ENOX1: variants seen among roughly 807,000 people sequenced by gnomAD.
ENOX1 encodes the protein ecto-NOX disulfide-thiol exchanger 1.
ENOX1 carries 42 observed loss-of-function variants against 82.5 expected under a neutral mutation model. The ratio of observed to expected loss-of-function variants is 0.51; its 90% confidence interval spans 0.40 to 0.66. ENOX1 has a LOEUF of 0.66. Among genes scored for constraint, ENOX1 ranks in the 30% least tolerant of loss-of-function variants. The probability of loss-of-function intolerance (pLI) is 0.00; values close to 1 mark genes in which losing one functional copy is unlikely to be tolerated. For missense variants in ENOX1, 608 were observed against 811.6 expected, an observed-to-expected ratio of 0.75 and a Z score of 3.05; for synonymous variants, 271 against 282.2, an observed-to-expected ratio of 0.96 and a Z score of 0.40.
chr13:43,659,456 C>CT (rs1555353498), intron 2 of ENOX1, among the ~76,000 whole-genome samples: 1 of 151,878 alleles, frequency 6.6e-6, no homozygotes, highest in African/African-American at 2.4e-5. Flanking sequence ...CGCCACTGTA[C>CT]TCCAGCCTGG....
At chr13:43,268,547 A>G (rs1040389638) in intron 13 of ENOX1, among the ~76,000 whole-genome samples, 2 of 152,176 alleles carry the variant, frequency 1.3e-5, no homozygotes, top group South Asian at 2.1e-4. Context: ...AAATAACTAA[A>G]AAGATATTTT....
chr13:43,603,300 C>A (rs1191846463), intron 2 of ENOX1, among the ~76,000 whole-genome samples: 4 of 151,904 alleles, frequency 2.6e-5, no homozygotes, highest in African/African-American at 4.8e-5. Flanking sequence ...AATCCCTTCT[C>A]CTAAGAGTTT....
chr13:43,762,905 C>G (rs779925304), intron 1 of ENOX1, among the ~76,000 whole-genome samples: 4 of 152,080 alleles, frequency 2.6e-5, no homozygotes, highest in Non-Finnish European at 5.9e-5. Context: ...TCTCAATTAG[C>G]CCTACTAATG....
At chr13:43,359,793 A>G in intron 7 of ENOX1, 58 bp downstream of exon 7, 4 of 1,511,350 alleles carry the variant, frequency 2.6e-6, no homozygotes, top group Non-Finnish European at 2.8e-6. Context: ...ATAAGCTCAT[A>G]TTAACATCAC....
chr13:43,322,352 C>G, intron 11 of ENOX1, 32 bp downstream of exon 11: 1 of 1,535,550 alleles, frequency 6.5e-7, no homozygotes, highest in Admixed American at 1.7e-5. Flanking sequence ...CATTATGATA[C>G]CTCATGGGTC....
At chr13:43,718,398 G>A (rs453537) in intron 1 of ENOX1, among the ~76,000 whole-genome samples, 1 of 152,012 alleles carries the variant, frequency 6.6e-6, no homozygotes, top group African/African-American at 2.4e-5. Flanking sequence ...AGGGAGGGAA[G>A]AGGGGATGGG....
At chr13:43,316,479 T>G (rs112716427) in intron 11 of ENOX1, among the ~76,000 whole-genome samples, 272 of 152,286 alleles carry the variant, frequency 1.8e-3, no homozygotes, top group African/African-American at 6.1e-3. Context: ...GGGGCTAAGC[T>G]TAAAGACAGT....
intron 2 of ENOX1, among the ~76,000 whole-genome samples, chr13:43,574,906 C>T (rs1026935441): frequency 7.2e-5 from 11 of 152,134 alleles, no homozygotes; most frequent in African/African-American, 2.4e-4. Context: ...TGGAGAGACA[C>T]CAAATGTCAT....
chr13:43,248,087 G>A (rs996587084), intron 14 of ENOX1, among the ~76,000 whole-genome samples: 46 of 149,980 alleles, frequency 3.1e-4, no homozygotes, highest in African/African-American at 9.1e-4. Context: ...GGGTTTCACC[G>A]TGTTAGCCGG....
chr13:43,773,027 T>G (rs1283496807), intron 1 of ENOX1, among the ~76,000 whole-genome samples: 1 of 152,188 alleles, frequency 6.6e-6, no homozygotes. Context: ...CCTGGATGAT[T>G]CTACTCTTCT....
rs144272035 is a variant in ENOX1 at position 43,407,115 on chromosome 13, C to T, written c.208+4801G>A. ...ATTAAGTTATACAGGAAGAGAGCAG[C>T]TGGTCACACAAGAGGTGCCAAAGCT... is the stretch of plus-strand genomic sequence containing the variant. On this transcript the variant is annotated intron_variant, in intron 5 of 16. Coordinates refer to ENST00000690772, the MANE Select transcript of ENOX1 (RefSeq NM_001347969.2). Among the ~76,000 whole-genome samples the T allele has an allele frequency of 2.7e-3, 418 of 152,292 alleles. 2 individuals carry two copies. The highest frequency in any genetic ancestry group is 9.5e-3 in the African/African-American group (394 of 41,554).
rs554342532 is a variant in ENOX1 at position 43,296,361 on chromosome 13, C to T, written c.1446+1985G>A. ...GGAGAATGACAAGGGATGATGAAGG[C>T]AGAGAGCAGGGTGATGTTTCCACAA... On this transcript the variant is annotated intron_variant, in intron 12 of 16. Coordinates refer to ENST00000690772, the MANE Select transcript of ENOX1 (RefSeq NM_001347969.2). 2.6e-5 allele frequency among the ~76,000 whole-genome samples: 4 copies of T among 152,262 alleles called. No individual in the cohort carries two copies. The East Asian group carries it at 7.7e-4, about 29-fold the overall frequency.
chr13:43,645,180 G>A (rs2153771482), intron 2 of ENOX1, among the ~76,000 whole-genome samples: 1 of 152,246 alleles, frequency 6.6e-6, no homozygotes, highest in East Asian at 1.9e-4. Flanking sequence ...CTTTAGAGAA[G>A]GGTTTCACTC....
chr13:43,355,661 G>T (rs1456551233), intron 8 of ENOX1, among the ~76,000 whole-genome samples: 2 of 152,130 alleles, frequency 1.3e-5, no homozygotes. Flanking sequence ...GGAGAACATG[G>T]GTGAGCATTC....
chr13:43,480,899 C>T (rs2058481244), intron 3 of ENOX1, among the ~76,000 whole-genome samples: 1 of 152,114 alleles, frequency 6.6e-6, no homozygotes. Context: ...GATAGCTTCA[C>T]CAGATCATTC....
At chr13:43,328,498 G>C (rs548127994) in intron 9 of ENOX1, among the ~76,000 whole-genome samples, 3 of 152,282 alleles carry the variant, frequency 2.0e-5, no homozygotes, top group Admixed American at 6.5e-5. Context: ...CTGAGTGTTT[G>C]GTTGGTAATA....
rs140224530 is a variant in ENOX1 at position 43,236,673 on chromosome 13, G to A, written c.1677C>T (p.Ser559=). The change falls in exon 15 of 17, where the codon AGC becomes AGT. Residue 559 remains serine (S), a synonymous_variant. Coordinates refer to ENST00000690772, the MANE Select transcript of ENOX1 (RefSeq NM_001347969.2). ...CTTCTTTCTCTGATTTTAAGCCTTG[G>A]CTTCTTTTCTCAATATTGTTCTCTC... ...QDRENNIEKR[S]QGLKSEKEAL... is the part of the protein sequence containing the mutation. 70 of 1,584,954 alleles carry A rather than the reference G, an allele frequency of 4.4e-5. No homozygotes were observed. In the African/African-American group the frequency reaches 7.8e-4, roughly 18 times the overall value.
At chr13:43,454,512 A>C (rs1319094206) in intron 3 of ENOX1, among the ~76,000 whole-genome samples, 1 of 152,156 alleles carries the variant, frequency 6.6e-6, no homozygotes, top group Non-Finnish European at 1.5e-5. Context: ...GATATTTATT[A>C]ACTTATTCTT....
chr13:43,428,599 T>G (rs2055467657), intron 3 of ENOX1, among the ~76,000 whole-genome samples: 1 of 152,292 alleles, frequency 6.6e-6, no homozygotes, highest in South Asian at 2.1e-4. Context: ...AGGTTACTAT[T>G]ACTTTTTCTT....
Sources: allele counts gnomAD v4.1 joint callset (sites outside exome capture counted in the v4.1 genomes callset), GRCh38; gene constraint gnomAD v4.1.1; transcripts MANE v1.5; gene names NCBI Gene and HGNC (gene_info 2026-07-23, HGNC 2026-07-21).